The following PAX8 variants were observed in gnomAD, a reference collection of about 807,000 sequenced individuals.
PAX8 encodes the protein paired box 8.
In PAX8, 15 loss-of-function variants were observed where a neutral mutation model predicts 52.4. The ratio of observed to expected loss-of-function variants is 0.29; its 90% confidence interval spans 0.19 to 0.44. PAX8 has a LOEUF of 0.44. Ranked by LOEUF, PAX8 falls within the 20% of genes least tolerant of loss-of-function variation. The probability of loss-of-function intolerance (pLI) is 1.00; values close to 1 mark genes in which losing one functional copy is unlikely to be tolerated. For missense variants in PAX8, 554 were observed against 602.5 expected (o/e 0.92, Z 0.84); for synonymous variants, 284 against 249.7 (o/e 1.14, Z -1.29).
chr2:113,245,465 C>T (rs567314880), intron 3 of PAX8, among the ~76,000 whole-genome samples: 6 of 152,270 alleles, frequency 3.9e-5, no homozygotes, highest in East Asian at 1.9e-4. Flanking sequence ...ATATCCCTCA[C>T]CCCCCTGGTC....
intron 9 of PAX8, among the ~76,000 whole-genome samples, chr2:113,232,114 C>T (rs1177692208): frequency 6.6e-6 from 1 of 152,186 alleles, no homozygotes; most frequent in Non-Finnish European, 1.5e-5. Flanking sequence ...TAACCTTCCC[C>T]ACCGCCCCCC....
At chr2:113,273,863 T>C (rs190123303) in intron 2 of PAX8, 139 of 152,338 alleles carry the variant, frequency 9.1e-4, no homozygotes, top group African/African-American at 2.1e-3. Flanking sequence ...AATTTATTTT[T>C]CATTTAAAAT....
At chr2:113,243,771 A>G (rs1691076221) in intron 4 of PAX8, among the ~76,000 whole-genome samples, 1 of 152,138 alleles carries the variant, frequency 6.6e-6, no homozygotes, top group Admixed American at 6.5e-5. Flanking sequence ...TAGTTCTCTT[A>G]TTGTTTTTTA....
At chr2:113,225,935 C>T (rs1402253059) in intron 10 of PAX8, 12 of 984,228 alleles carry the variant, frequency 1.2e-5, no homozygotes, top group Admixed American at 6.2e-5. Flanking sequence ...ATTTCACGCT[C>T]CAGAAGAGGA....
chr2:113,229,761 C>T (rs1689780552), intron 9 of PAX8, among the ~76,000 whole-genome samples: 1 of 152,172 alleles, frequency 6.6e-6, no homozygotes. Context: ...TCAAACTCAG[C>T]CCCCTTGGCC....
chr2:113,227,284 G>T (rs776295178), intron 9 of PAX8, 28 bp from the exon 10 acceptor site: 4 of 1,555,732 alleles, frequency 2.6e-6, no homozygotes, highest in Non-Finnish European at 3.5e-6. Flanking sequence ...AGAGTCGTCA[G>T]TTGGACCATG....
intron 2 of PAX8, among the ~76,000 whole-genome samples, chr2:113,251,754 G>C: frequency 6.6e-6 from 1 of 152,178 alleles, no homozygotes; most frequent in Admixed American, 6.5e-5. Context: ...GACACTTATT[G>C]ACCAAAATTC....
chr2:113,250,483 A>G (rs1691677780), intron 2 of PAX8, among the ~76,000 whole-genome samples: 7 of 152,206 alleles, frequency 4.6e-5, no homozygotes, highest in Admixed American at 4.6e-4. Context: ...ATTAAAATAC[A>G]GAGTACTGAG....
At position 113,236,629 on chromosome 2, in the gene PAX8, C is replaced by G; in HGVS notation, c.870G>C (p.Ser290=). ...PSNTPLGRNL[S]THQTYPVVAD... ...CCACCACGGGGTAGGTCTGGTGAGT[C>G]GAGAGGTTGCGCCCCAGTGGCGTGT... is the stretch of plus-strand genomic sequence containing the variant. Residue 290 remains serine, a synonymous_variant, in exon 8 of 12, where the codon TCG becomes TCC. Coordinates refer to ENST00000429538, the MANE Select transcript of PAX8 (RefSeq NM_003466.4). 1 of 1,591,214 alleles carries G rather than the reference C, an allele frequency of 6.3e-7. No homozygotes were observed. The highest frequency in any genetic ancestry group is 8.6e-7 in the Non-Finnish European group (1 of 1,169,394).
rs921185440 is a variant in PAX8, at chr2:113,226,906, C to T, written c.1189+249G>A. 1.1e-5 allele frequency: 15 copies of T among 1,392,376 alleles called. No homozygotes were observed. In the African/African-American group the frequency reaches 2.1e-4, roughly 20 times the overall value. 86.3% of individuals were successfully genotyped at this position (1,392,376 alleles called of 1,614,324 possible). A position where few individuals can be genotyped will look rare whatever the true frequency, so the allele number is the denominator to read the frequency against. ...AGACCTGTCTCAGCCCCTCCCTTTTCATCATGGAGGGTAATGTAGCAGGCC... is the reference window on the plus strand; with the variant it reads ...AGACCTGTCTCAGCCCCTCCCTTTTTATCATGGAGGGTAATGTAGCAGGCC... On this transcript the variant is annotated intron_variant, in intron 10 of 11. Transcript: ENST00000429538.
At position 113,257,265 on chromosome 2, in the gene PAX8, C is replaced by T. The variant is rs559768669; in HGVS notation, c.26-10346G>A. Among the ~76,000 whole-genome samples the T allele has an allele frequency of 1.3e-5, 2 of 152,292 alleles. 1 individual carries two copies. The highest frequency in any genetic ancestry group is 4.1e-4 in the South Asian group (2 of 4,826). On this transcript the variant is annotated intron_variant, in intron 2 of 11. Transcript: ENST00000429538. ...TAATCCCAGCTCCTTCTTTCCCCTT[C>T]TAGTGCCCATGACTAGGCTGTTACC...
intron 2 of PAX8, among the ~76,000 whole-genome samples, chr2:113,251,619 A>G (rs1691771539): frequency 6.6e-6 from 1 of 152,142 alleles, no homozygotes; most frequent in African/African-American, 2.4e-5. Flanking sequence ...GGTCTAGGTG[A>G]AGCTTGCTGT....
chr2:113,229,940 T>TGA (rs1347329553), intron 9 of PAX8, among the ~76,000 whole-genome samples: 7 of 151,916 alleles, frequency 4.6e-5, no homozygotes, highest in Non-Finnish European at 1.0e-4. Context: ...TCTTCCTCCA[T>TGA]GAGAGAGAGA....
intron 2 of PAX8, 72 bp downstream of exon 2, chr2:113,278,298 A>C: frequency 8.0e-7 from 1 of 1,249,798 alleles, no homozygotes; most frequent in Non-Finnish European, 1.2e-6. Context: ...CTCGAGATCC[A>C]ACCACCCGAG....
intron 2 of PAX8, chr2:113,266,259 C>T (rs1013519906): frequency 2.6e-5 from 4 of 152,158 alleles, no homozygotes; most frequent in African/African-American, 9.7e-5. Flanking sequence ...GTGACAGGGT[C>T]TTTAAAGGAA....
chr2:113,232,866 C>G (rs140400000), intron 9 of PAX8, among the ~76,000 whole-genome samples: 4 of 152,122 alleles, frequency 2.6e-5, no homozygotes, highest in Non-Finnish European at 4.4e-5. Flanking sequence ...AGCTTCTCCG[C>G]GGCTTCCACA....
chr2:113,232,590 G>A (rs1225211833), intron 9 of PAX8, among the ~76,000 whole-genome samples: 2 of 152,202 alleles, frequency 1.3e-5, no homozygotes. Flanking sequence ...TGACCTCTCA[G>A]TCCTGCAGTT....
rs773369036 is a variant in PAX8 at position 113,217,043 on chromosome 2, C to T, written c.*1490G>A. On this transcript the variant is annotated 3_prime_UTR_variant, in exon 12 of 12. Transcript: ENST00000429538. ...CTCCAGTCACAGCTATTCCCGGATC[C>T]CTCACTAACCCACCCTGCTGATTCT... The T allele has an allele frequency of 8.6e-6, 2 of 231,380 alleles. No individual in the cohort carries two copies. The highest frequency in any genetic ancestry group is 1.7e-5 in the Non-Finnish European group (2 of 116,880). The allele number at this position is 231,380 out of a possible 1,614,324, so 14.3% of individuals were successfully genotyped here.
intron 2 of PAX8, among the ~76,000 whole-genome samples, chr2:113,277,582 C>T (rs1044663237): frequency 6.6e-6 from 1 of 152,100 alleles, no homozygotes; most frequent in East Asian, 1.9e-4. Flanking sequence ...GCGCCTCCAC[C>T]GCTGTCCGCA....
Sources: allele counts gnomAD v4.1 joint callset (sites outside exome capture counted in the v4.1 genomes callset), GRCh38; gene constraint gnomAD v4.1.1; transcripts MANE v1.5; gene names NCBI Gene and HGNC (gene_info 2026-07-23, HGNC 2026-07-21).